SLC24A3: variants seen among roughly 807,000 people sequenced by gnomAD.
SLC24A3 encodes the protein solute carrier family 24 member 3.
A neutral mutation model predicts 75.8 loss-of-function variants in SLC24A3; 28 were observed. The observed-to-expected ratio is 0.37, with a 90% CI of 0.27 to 0.51. The LOEUF is 0.51. Among genes scored for constraint, SLC24A3 ranks in the 20% least tolerant of loss-of-function variants. The pLI is 0.94. For missense variants in SLC24A3, 663 were observed against 847.8 expected, an observed-to-expected ratio of 0.78 and a Z score of 2.71; for synonymous variants, 372 against 334.1, an observed-to-expected ratio of 1.11 and a Z score of -1.24.
At chr20:19,301,823 G>A (rs1366341267) in intron 2 of SLC24A3, among the ~76,000 whole-genome samples, 1 of 152,122 alleles carries the variant, frequency 6.6e-6, no homozygotes, top group African/African-American at 2.4e-5. Context: ...TCAGCCTCCT[G>A]TTATTATGTT....
At chr20:19,460,322 G>T (rs1359884759) in intron 2 of SLC24A3, among the ~76,000 whole-genome samples, 1 of 152,102 alleles carries the variant, frequency 6.6e-6, no homozygotes, top group African/African-American at 2.4e-5. Flanking sequence ...GGCCAGTGCA[G>T]TAGATACCTC....
chr20:19,693,435 A>T lies in SLC24A3; in HGVS notation c.1491+10A>T. 1 of 1,613,596 alleles carries T rather than the reference A, an allele frequency of 6.2e-7. No homozygotes were observed. The highest frequency in any genetic ancestry group is 2.2e-5 in the East Asian group (1 of 44,868). On this transcript the variant is annotated intron_variant, in intron 13 of 16. Coordinates refer to ENST00000328041, the MANE Select transcript of SLC24A3 (RefSeq NM_020689.4). ...CATGATGGTGTGGATGGTGAGTGCAATCGGGACCCCATGGCACTGTTAAAT... is the reference window on the plus strand; with the variant it reads ...CATGATGGTGTGGATGGTGAGTGCATTCGGGACCCCATGGCACTGTTAAAT...
chr20:19,500,602 C>G (rs913071958), intron 2 of SLC24A3, among the ~76,000 whole-genome samples: 1 of 152,146 alleles, frequency 6.6e-6, no homozygotes, highest in Non-Finnish European at 1.5e-5. Flanking sequence ...CTCCATAAAT[C>G]TATATGAAAT....
At chr20:19,506,072 AT>A (rs1568637475) in intron 2 of SLC24A3, among the ~76,000 whole-genome samples, 1 of 152,172 alleles carries the variant, frequency 6.6e-6, no homozygotes, top group Non-Finnish European at 1.5e-5. Context: ...TCATTCTCCC[AT>A]TTTGCACATT....
intron 2 of SLC24A3, among the ~76,000 whole-genome samples, chr20:19,437,116 A>G (rs888878223): frequency 6.6e-6 from 1 of 152,210 alleles, no homozygotes; most frequent in African/African-American, 2.4e-5. Context: ...GACTGTGTCA[A>G]TGTAGGGGGG....
chr20:19,586,334 C>T (rs543352013), intron 6 of SLC24A3, among the ~76,000 whole-genome samples: 1 of 152,122 alleles, frequency 6.6e-6, no homozygotes, highest in Non-Finnish European at 1.5e-5. Context: ...AGATCTCTGC[C>T]CAAATACCCA....
chr20:19,674,426 C>T (rs2032501456), intron 9 of SLC24A3, among the ~76,000 whole-genome samples: 1 of 152,214 alleles, frequency 6.6e-6, no homozygotes, highest in Non-Finnish European at 1.5e-5. Flanking sequence ...GTGGGAGAAC[C>T]TGCCTTCAAG....
chr20:19,557,583 C>A (rs781422800), intron 3 of SLC24A3, among the ~76,000 whole-genome samples: 6 of 152,168 alleles, frequency 3.9e-5, no homozygotes, highest in Admixed American at 6.5e-5. Flanking sequence ...TCATGATTGC[C>A]TGGTGTTGTT....
At chr20:19,445,168 G>C (rs1358183801) in intron 2 of SLC24A3, among the ~76,000 whole-genome samples, 1 of 152,000 alleles carries the variant, frequency 6.6e-6, no homozygotes, top group Non-Finnish European at 1.5e-5. Context: ...ATGGATCTTG[G>C]CTTCCACCAT....
intron 3 of SLC24A3, among the ~76,000 whole-genome samples, chr20:19,572,675 C>T (rs1263118561): frequency 6.6e-6 from 1 of 152,204 alleles, no homozygotes; most frequent in African/African-American, 2.4e-5. Flanking sequence ...CCTTCTGCTA[C>T]ATTCCTCTTC....
intron 9 of SLC24A3, among the ~76,000 whole-genome samples, chr20:19,678,159 T>TC (rs1417844257): frequency 6.7e-6 from 1 of 150,000 alleles, no homozygotes; most frequent in Non-Finnish European, 1.5e-5. Context: ...TCCCCACCTT[T>TC]CCCCCCTTTC....
At chr20:19,361,058 A>G (rs1325192403) in intron 2 of SLC24A3, among the ~76,000 whole-genome samples, 2 of 152,178 alleles carry the variant, frequency 1.3e-5, no homozygotes, top group Non-Finnish European at 1.5e-5. Flanking sequence ...CGATCTCCTG[A>G]CCTCGTGATC....
chr20:19,473,365 G>C (rs116438220), intron 2 of SLC24A3, among the ~76,000 whole-genome samples: 303 of 152,330 alleles, frequency 2.0e-3, no homozygotes, highest in African/African-American at 6.2e-3. Context: ...CAGAACTCTA[G>C]ATTCCTAACT....
At chr20:19,440,867 G>A (rs570082729) in intron 2 of SLC24A3, among the ~76,000 whole-genome samples, 37 of 152,158 alleles carry the variant, frequency 2.4e-4, no homozygotes, top group African/African-American at 8.7e-4. Flanking sequence ...TCAGCACTGG[G>A]CCGACAGCAG....
intron 1 of SLC24A3, among the ~76,000 whole-genome samples, chr20:19,224,753 G>A (rs1051796594): frequency 6.6e-6 from 1 of 152,174 alleles, no homozygotes; most frequent in Non-Finnish European, 1.5e-5. Context: ...GGAAACTAAT[G>A]TCAAAGGAAA....
At position 19,365,458 on chromosome 20, in the gene SLC24A3, T is replaced by C. The variant is rs116689830; in HGVS notation, c.271+84371T>C. 2.4e-3 allele frequency among the ~76,000 whole-genome samples: 367 copies of C among 152,286 alleles called. 1 individual carries two copies. Among genetic ancestry groups the C allele is most frequent in the African/African-American group, 8.6e-3 (356 of 41,562 alleles). On this transcript the variant is annotated intron_variant, in intron 2 of 16. Coordinates refer to ENST00000328041, the MANE Select transcript of SLC24A3 (RefSeq NM_020689.4). ...TGGGGATTCCACTGTGGGGCGTTTC[T>C]TTAATCTCTTTCACATTCTACACTC...
intron 2 of SLC24A3, among the ~76,000 whole-genome samples, chr20:19,346,258 G>T (rs1390166074): frequency 7.7e-5 from 6 of 78,370 alleles, no homozygotes; most frequent in Admixed American, 1.3e-4. Flanking sequence ...ATATATATAT[G>T]GTATATATAT....
intron 1 of SLC24A3, among the ~76,000 whole-genome samples, chr20:19,273,500 C>A (rs904466169): frequency 6.6e-6 from 1 of 152,208 alleles, no homozygotes; most frequent in African/African-American, 2.4e-5. Context: ...TTTCCCTGAA[C>A]CTTGCAGCCC....
intron 1 of SLC24A3, among the ~76,000 whole-genome samples, chr20:19,220,985 AAT>A (rs1346182901): frequency 3.3e-5 from 5 of 152,184 alleles, no homozygotes; most frequent in African/African-American, 1.2e-4. Flanking sequence ...CCTGGATGTG[AAT>A]ATATGTGTTT....
Sources: allele counts gnomAD v4.1 joint callset (sites outside exome capture counted in the v4.1 genomes callset), GRCh38; gene constraint gnomAD v4.1.1; transcripts MANE v1.5; gene names NCBI Gene and HGNC (gene_info 2026-07-23, HGNC 2026-07-21).